Variants in KCNMA1 observed in about 807,000 individuals in gnomAD.
KCNMA1 encodes the protein potassium calcium-activated channel subfamily M alpha 1.
In KCNMA1, 29 loss-of-function variants were observed where a neutral mutation model predicts 140.0. That is an observed-to-expected ratio of 0.21 (90% CI 0.15 to 0.28). KCNMA1 has a LOEUF of 0.28. Ranked by LOEUF, KCNMA1 falls within the 10% of genes least tolerant of loss-of-function variation. KCNMA1 has a pLI of 1.00. For synonymous variants in KCNMA1, 612 were observed against 611.9 expected, an observed-to-expected ratio of 1.00 and a Z score of 0.00; for missense variants, 880 against 1,602.2, an observed-to-expected ratio of 0.55 and a Z score of 7.70.
At chr10:77,307,608 G>A (rs763612238) in intron 2 of KCNMA1, among the ~76,000 whole-genome samples, 10 of 152,202 alleles carry the variant, frequency 6.6e-5, no homozygotes, top group East Asian at 5.8e-4. Flanking sequence ...GTGCAGTGGC[G>A]CGATCTTGGC....
At chr10:77,352,714 G>C (rs1279024517) in intron 2 of KCNMA1, among the ~76,000 whole-genome samples, 2 of 152,034 alleles carry the variant, frequency 1.3e-5, no homozygotes, top group Non-Finnish European at 2.9e-5. Context: ...CTATGGCCAG[G>C]GTCTAAGGAA....
At chr10:77,438,742 T>TA (rs2097315454) in intron 1 of KCNMA1, among the ~76,000 whole-genome samples, 1 of 152,162 alleles carries the variant, frequency 6.6e-6, no homozygotes, top group South Asian at 2.1e-4. Flanking sequence ...ACAAAGTCCT[T>TA]ATTCCTTCTC....
At chr10:77,604,586 G>A (rs2083734557) in intron 1 of KCNMA1, among the ~76,000 whole-genome samples, 1 of 151,880 alleles carries the variant, frequency 6.6e-6, no homozygotes, top group Non-Finnish European at 1.5e-5. Flanking sequence ...TGGGCATGGT[G>A]GTGTGCACCT....
intron 3 of KCNMA1, among the ~76,000 whole-genome samples, chr10:77,236,705 A>G (rs558859233): frequency 2.0e-5 from 3 of 152,390 alleles, no homozygotes; most frequent in South Asian, 4.1e-4. Context: ...ACATTTATAC[A>G]GTACATAGAT....
At chr10:76,890,848 G>A (rs139655404) in intron 26 of KCNMA1, among the ~76,000 whole-genome samples, 48 of 152,282 alleles carry the variant, frequency 3.2e-4, no homozygotes, top group Middle Eastern at 6.8e-3. Context: ...ATGAGGGAAC[G>A]TGACTGGGTC....
At chr10:77,225,064 A>C (rs1285135245) in intron 3 of KCNMA1, among the ~76,000 whole-genome samples, 3 of 152,176 alleles carry the variant, frequency 2.0e-5, no homozygotes, top group Non-Finnish European at 4.4e-5. Flanking sequence ...TTATGAGTGA[A>C]TGAATAAAGC....
chr10:77,567,736 G>C (rs997521210), intron 1 of KCNMA1, among the ~76,000 whole-genome samples: 2 of 152,136 alleles, frequency 1.3e-5, no homozygotes, highest in Non-Finnish European at 2.9e-5. Flanking sequence ...CTGAGCTAGG[G>C]CACCCTTTCC....
At chr10:77,091,162 G>T in intron 9 of KCNMA1, 1 of 153,996 alleles carries the variant, frequency 6.5e-6, no homozygotes. Flanking sequence ...GATGCCTATG[G>T]AATGGAAGAT....
In KCNMA1 at chr10:77,504,012, C is replaced by T. The variant is rs558558695; in HGVS notation, c.379-99989G>A. Among the ~76,000 whole-genome samples, 14 of 152,136 alleles carry T rather than the reference C, an allele frequency of 9.2e-5. No homozygotes were observed. In the East Asian group the frequency reaches 1.2e-3, roughly 13 times the overall value. On this transcript the variant is annotated intron_variant, in intron 1 of 27. Transcript: ENST00000286628. ...AGAGGGGGTCCAATGGGGGGCAGGG[C>T]GCAGGTGGCTGGGATATGGTGCTGG...
In KCNMA1 at chr10:77,108,324, A is replaced by C; in HGVS notation, c.1223+157T>G. On this transcript the variant is annotated intron_variant, in intron 9 of 27. Transcript: ENST00000286628. The surrounding 1 kb of genome is among the most constrained non-coding windows in gnomAD (Gnocchi z 4.6). Reference sequence around the variant, plus strand: ...GTTTGTTAAAAGTCCCGCCGAATTTATTCCGACTCAGGATGAGAGCAGCAA... The same window carrying C: ...GTTTGTTAAAAGTCCCGCCGAATTTCTTCCGACTCAGGATGAGAGCAGCAA... The C allele has an allele frequency of 6.5e-7, 1 of 1,541,908 alleles. No individual in the cohort carries two copies. The highest frequency in any genetic ancestry group is 8.7e-7 in the Non-Finnish European group (1 of 1,152,952).
chr10:77,513,112 C>T (rs146260984), intron 1 of KCNMA1, among the ~76,000 whole-genome samples: 1 of 151,892 alleles, frequency 6.6e-6, no homozygotes, highest in African/African-American at 2.4e-5. Context: ...CCAGCCTCCC[C>T]CTACCCAGCA....
intron 2 of KCNMA1, among the ~76,000 whole-genome samples, chr10:77,358,212 G>A (rs376952747): frequency 6.6e-5 from 10 of 152,188 alleles, no homozygotes; most frequent in African/African-American, 2.2e-4. Flanking sequence ...TCTCTCTCCG[G>A]CTGTTCTCCA....
chr10:77,023,973 A>G (rs980797352), intron 16 of KCNMA1, among the ~76,000 whole-genome samples: 8 of 152,216 alleles, frequency 5.3e-5, no homozygotes, highest in African/African-American at 1.9e-4. Context: ...ACTGGTGAGG[A>G]CTTACTCAGC....
At chr10:77,439,067 T>G (rs897895840) in intron 1 of KCNMA1, among the ~76,000 whole-genome samples, 1 of 122,460 alleles carries the variant, frequency 8.2e-6, no homozygotes, top group African/African-American at 3.2e-5. Context: ...CGAGACTCTC[T>G]CAAAAAAAGA....
chr10:77,118,709 G>A (rs189514337), intron 6 of KCNMA1, among the ~76,000 whole-genome samples: 6 of 152,246 alleles, frequency 3.9e-5, no homozygotes, highest in African/African-American at 1.4e-4. Flanking sequence ...TGACTGCCCT[G>A]CAACTCAGGC....
At chr10:77,008,819 A>G (rs2089951991) in intron 18 of KCNMA1, among the ~76,000 whole-genome samples, 1 of 152,236 alleles carries the variant, frequency 6.6e-6, no homozygotes, top group South Asian at 2.1e-4. Context: ...CAACTTAGAG[A>G]GGGAACCAAG....
intron 24 of KCNMA1, chr10:76,913,236 A>G (rs1184343366): frequency 6.6e-6 from 1 of 152,172 alleles, no homozygotes; most frequent in Non-Finnish European, 1.5e-5. Context: ...TAGAAGATCA[A>G]TCCCCAGTTC....
chr10:77,402,492 C>T (rs2096303794), intron 2 of KCNMA1, among the ~76,000 whole-genome samples: 1 of 152,248 alleles, frequency 6.6e-6, no homozygotes. Context: ...TAACCAGACC[C>T]TTCAGCACAC....
chr10:76,887,013 T>C lies in KCNMA1; in HGVS notation c.*253A>G, dbSNP rs199851701. 7.5e-7 allele frequency: 1 copy of C among 1,336,580 alleles called. No homozygotes were observed. The highest frequency in any genetic ancestry group is 9.7e-7 in the Non-Finnish European group (1 of 1,035,334). The allele number at this position is 1,336,580 out of a possible 1,614,324, so 82.8% of individuals were successfully genotyped here. On this transcript the variant is annotated 3_prime_UTR_variant, in exon 28 of 28. Coordinates refer to ENST00000286628, the MANE Select transcript of KCNMA1 (RefSeq NM_001161352.2). ...CAGTGAGCTATTTATGTCTGGAGCA[T>C]GCCTTTGGGTTATTTTTCCCCCAGA... is the stretch of plus-strand genomic sequence containing the variant.
Sources: gnomAD v4.1 joint callset for allele counts (sites outside exome capture counted in the v4.1 genomes callset) on GRCh38, gnomAD v4.1.1 for gene constraint, Gnocchi (gnomAD v3.1) non-coding constraint, MANE v1.5 for transcripts, NCBI Gene and HGNC (gene_info 2026-07-23, HGNC 2026-07-21) for gene names.